Variants in C20orf96 observed in about 807,000 individuals in gnomAD.
C20orf96 encodes chromosome 20 open reading frame 96.
A neutral mutation model predicts 52.6 loss-of-function variants in C20orf96; 57 were observed. That is an observed-to-expected ratio of 1.08 (90% confidence interval 0.88 to 1.35). C20orf96 has a LOEUF of 1.35. Ranked by LOEUF, C20orf96 falls within the 40% of genes most tolerant of loss-of-function variation. The pLI is 0.00. For missense variants in C20orf96, 478 were observed against 443.6 expected, an observed-to-expected ratio of 1.08 and a Z score of -0.70; for synonymous variants, 168 against 157.2, an observed-to-expected ratio of 1.07 and a Z score of -0.51.
In C20orf96 at chr20:270,875, C is replaced by A. The variant is rs2011802140; in HGVS notation, c.*332G>T. 6.5e-6 allele frequency: 2 copies of A among 307,120 alleles called. No individual in the cohort carries two copies. The highest frequency in any genetic ancestry group is 5.1e-5 in the South Asian group (1 of 19,474). The allele number at this position is 307,120 out of a possible 1,614,324, so 19.0% of individuals were successfully genotyped here. A position where few individuals can be genotyped will look rare whatever the true frequency, so the allele number is the denominator to read the frequency against. On this transcript the variant is annotated 3_prime_UTR_variant, in exon 11 of 11. Transcript: ENST00000360321. ...CACTGGCAAAAAAGCAAATGTAAAT[C>A]CAGCTTTATTGGTAAAAAAGGAATA...
chr20:286,915 T>C (rs1308073125), intron 3 of C20orf96, among the ~76,000 whole-genome samples: 4 of 152,256 alleles, frequency 2.6e-5, no homozygotes, highest in East Asian at 1.9e-4. Flanking sequence ...TCATCCAGTA[T>C]GTAACTGTGG....
Position 274,570 on chromosome 20 carries a change from CCTTT to C in C20orf96, c.1031+1394_1031+1397del, listed in dbSNP as rs529023705. Among the ~76,000 whole-genome samples the C allele has an allele frequency of 7.8e-3, 1,187 of 152,278 alleles. 7 individuals are homozygous for C. Among genetic ancestry groups the C allele is most frequent in the Non-Finnish European group, 0.013 (887 of 68,012 alleles). ...TAACCTGGCCCACATGCACCTTACC[CCTTT>C]CAGTCTCATTCACTGTGTTCAGAGT... On this transcript the variant is annotated intron_variant, in intron 10 of 10. Coordinates refer to ENST00000360321, the MANE Select transcript of C20orf96 (RefSeq NM_153269.3).
intron 10 of C20orf96, among the ~76,000 whole-genome samples, chr20:273,627 G>C (rs1263443855): frequency 6.6e-6 from 1 of 152,100 alleles, no homozygotes; most frequent in Non-Finnish European, 1.5e-5. Flanking sequence ...TGTAATCCCA[G>C]CACTTTGGGA....
chr20:285,559 G>C (rs1386085688), intron 3 of C20orf96, among the ~76,000 whole-genome samples: 1 of 152,160 alleles, frequency 6.6e-6, no homozygotes, highest in Non-Finnish European at 1.5e-5. Flanking sequence ...TTTTAAAAGT[G>C]TAAGTGGGAT....
chr20:286,150 A>G (rs2012379267), intron 3 of C20orf96, among the ~76,000 whole-genome samples: 1 of 152,200 alleles, frequency 6.6e-6, no homozygotes, highest in Non-Finnish European at 1.5e-5. Flanking sequence ...TATTGGTAGT[A>G]GCCCTAATTT....
Sources: allele counts gnomAD v4.1 joint callset (sites outside exome capture counted in the v4.1 genomes callset), GRCh38; gene constraint gnomAD v4.1.1; transcripts MANE v1.5; gene names NCBI Gene and HGNC (gene_info 2026-07-23, HGNC 2026-07-21).